The following ANKS1B variants were observed in gnomAD, a reference collection of about 807,000 sequenced individuals.
ANKS1B encodes ankyrin repeat and sterile alpha motif domain-containing protein 1B.
A neutral mutation model predicts 148.3 loss-of-function variants in ANKS1B; 36 were observed. The ratio of observed to expected loss-of-function variants is 0.24; its 90% CI spans 0.19 to 0.32. ANKS1B has a LOEUF of 0.32. Among genes scored for constraint, ANKS1B ranks in the 10% least tolerant of loss-of-function variants. The pLI is 1.00. For missense variants in ANKS1B, 1,157 were observed against 1,542.6 expected (o/e 0.75, Z 4.19); for synonymous variants, 542 against 560.8 (o/e 0.97, Z 0.47).
intron 17 of ANKS1B, among the ~76,000 whole-genome samples, chr12:98,866,713 G>A (rs2099626322): frequency 6.6e-6 from 1 of 152,076 alleles, no homozygotes; most frequent in East Asian, 1.9e-4. Flanking sequence ...AGAAAGCATG[G>A]CCTGGTCAGC....
chr12:99,569,999 C>G (rs12317795), intron 9 of ANKS1B, among the ~76,000 whole-genome samples: 4,199 of 152,210 alleles, frequency 0.028, 213 homozygotes, highest in African/African-American at 0.096. Context: ...TTTTATATAG[C>G]CCTTACCATC....
In ANKS1B at chr12:99,031,427, C is replaced by T. The variant is rs56221212; in HGVS notation, c.2778+21730G>A. 7.9e-3 allele frequency among the ~76,000 whole-genome samples: 1,203 copies of T among 152,282 alleles called. 10 individuals carry two copies. The highest frequency in any genetic ancestry group is 0.027 in the African/African-American group (1,129 of 41,558). ...TAAAATCCATTCCAATTTCCTCTCT[C>T]TTGCTTGTTTTCTCCTGCAGAGCCT... On this transcript the variant is annotated intron_variant, in intron 17 of 26. Coordinates refer to ENST00000683438, the MANE Select transcript of ANKS1B (RefSeq NM_001352186.2).
rs145747116 is a variant in ANKS1B at position 99,735,318 on chromosome 12, C to T, written c.1128+37604G>A. Reference sequence around the variant, plus strand: ...AGACCACAAAAATAAAAAAGATCAACGAAATGAAAAGTTGGCTTTTCAAAA... The same window carrying T: ...AGACCACAAAAATAAAAAAGATCAATGAAATGAAAAGTTGGCTTTTCAAAA... On this transcript the variant is annotated intron_variant, in intron 8 of 26. Transcript: ENST00000683438. Among the ~76,000 whole-genome samples the T allele has an allele frequency of 3.4e-3, 518 of 151,862 alleles. 17 individuals are homozygous for T. The South Asian group carries it at 0.05, about 15-fold the overall frequency.
intron 4 of ANKS1B, among the ~76,000 whole-genome samples, chr12:99,805,777 T>C (rs2153661322): frequency 6.6e-6 from 1 of 152,324 alleles, no homozygotes; most frequent in East Asian, 1.9e-4. Context: ...CATTTTTTTT[T>C]TTCTGAGTGT....
At chr12:99,594,902 T>C (rs975500417) in intron 9 of ANKS1B, among the ~76,000 whole-genome samples, 2 of 151,950 alleles carry the variant, frequency 1.3e-5, no homozygotes, top group African/African-American at 4.8e-5. Context: ...AAATTATGGT[T>C]CATAGAACTG....
chr12:99,666,748 A>C (rs2098509143), intron 8 of ANKS1B, among the ~76,000 whole-genome samples: 1 of 152,282 alleles, frequency 6.6e-6, no homozygotes, highest in East Asian at 1.9e-4. Context: ...TTGACAAACA[A>C]AACTGTACAT....
chr12:98,847,742 T>C (rs1478785903), intron 17 of ANKS1B, among the ~76,000 whole-genome samples: 2 of 152,126 alleles, frequency 1.3e-5, no homozygotes, highest in African/African-American at 2.4e-5. Flanking sequence ...ATTACAGGCA[T>C]GCGCCACCAT....
intron 17 of ANKS1B, 24 bp downstream of exon 17, chr12:99,053,133 G>C: frequency 6.3e-7 from 1 of 1,576,000 alleles, no homozygotes; most frequent in Non-Finnish European, 8.6e-7. Flanking sequence ...GAATAGTTAA[G>C]GTGTCACTAA....
chr12:99,740,719 G>C (rs539323965), intron 8 of ANKS1B, among the ~76,000 whole-genome samples: 32 of 152,276 alleles, frequency 2.1e-4, no homozygotes, highest in Middle Eastern at 3.4e-3. Context: ...CACTGGAAAT[G>C]GTTAGACAGA....
At chr12:99,831,230 CAA>C (rs546884271) in intron 1 of ANKS1B, among the ~76,000 whole-genome samples, 4 of 83,842 alleles carry the variant, frequency 4.8e-5, no homozygotes, top group Admixed American at 1.2e-4. Context: ...TCAAAGAAAG[CAA>C]AAAAAAAAAA....
At chr12:99,029,054 T>C (rs1159296533) in intron 17 of ANKS1B, among the ~76,000 whole-genome samples, 1 of 152,152 alleles carries the variant, frequency 6.6e-6, no homozygotes, top group Non-Finnish European at 1.5e-5. Flanking sequence ...AAATCTAAAC[T>C]GAGAGCTGTA....
intron 10 of ANKS1B, among the ~76,000 whole-genome samples, chr12:99,468,165 C>T (rs1227628910): frequency 6.6e-6 from 1 of 151,768 alleles, no homozygotes; most frequent in Non-Finnish European, 1.5e-5. Context: ...CTTTGACAAA[C>T]CTGAGAAAAA....
At chr12:99,360,206 G>T (rs75745944) in intron 12 of ANKS1B, among the ~76,000 whole-genome samples, 2 of 152,040 alleles carry the variant, frequency 1.3e-5, no homozygotes, top group African/African-American at 4.8e-5. Flanking sequence ...ATCCATCTTT[G>T]TCACTAACAG....
At chr12:99,895,504 T>TA (rs371586784) in intron 1 of ANKS1B, among the ~76,000 whole-genome samples, 1,934 of 150,680 alleles carry the variant, frequency 0.013, 94 homozygotes, top group Middle Eastern at 0.024. Flanking sequence ...ATAAAGCATT[T>TA]AAAAAAGGAA....
At chr12:99,815,415 C>T (rs2153670742) in intron 2 of ANKS1B, among the ~76,000 whole-genome samples, 1 of 151,856 alleles carries the variant, frequency 6.6e-6, no homozygotes, top group East Asian at 1.9e-4. Context: ...ATTATTTACA[C>T]ATTATTTTTA....
At chr12:99,541,392 C>A (rs1050022704) in intron 9 of ANKS1B, among the ~76,000 whole-genome samples, 1 of 152,118 alleles carries the variant, frequency 6.6e-6, no homozygotes, top group Admixed American at 6.6e-5. Flanking sequence ...AAAATGCTGG[C>A]AAACTAAATG....
At chr12:99,927,212 G>T (rs570557515) in intron 1 of ANKS1B, among the ~76,000 whole-genome samples, 2 of 152,166 alleles carry the variant, frequency 1.3e-5, no homozygotes, top group Admixed American at 6.5e-5. Context: ...TATACCTGAA[G>T]CTTAGCCTCA....
intron 9 of ANKS1B, among the ~76,000 whole-genome samples, chr12:99,576,366 C>A (rs1375469719): frequency 6.6e-6 from 1 of 151,996 alleles, no homozygotes; most frequent in Non-Finnish European, 1.5e-5. Context: ...GACCTCAACT[C>A]AACACTTGAC....
At chr12:99,297,062 A>G (rs895569235) in intron 12 of ANKS1B, among the ~76,000 whole-genome samples, 4 of 152,182 alleles carry the variant, frequency 2.6e-5, no homozygotes, top group African/African-American at 9.6e-5. Flanking sequence ...AATAGGTCTC[A>G]CATTAGAGTT....
Sources: allele counts gnomAD v4.1 joint callset (sites outside exome capture counted in the v4.1 genomes callset), GRCh38; gene constraint gnomAD v4.1.1; transcripts MANE v1.5; gene names NCBI Gene and HGNC (gene_info 2026-07-23, HGNC 2026-07-21).